TRIM55: variants seen among roughly 807,000 people sequenced by gnomAD.
TRIM55 encodes tripartite motif-containing protein 55.
TRIM55 carries 50 observed loss-of-function variants against 60.9 expected under a neutral mutation model. The ratio of observed to expected loss-of-function variants is 0.82; its 90% CI spans 0.65 to 1.04. TRIM55 has a LOEUF of 1.04. Ranked by LOEUF, TRIM55 falls within the 50% of genes least tolerant of loss-of-function variation. The probability of loss-of-function intolerance (pLI) is 0.00; values close to 1 mark genes in which losing one functional copy is unlikely to be tolerated. For missense variants in TRIM55, 681 were observed against 666.9 expected (o/e 1.02, Z -0.23); for synonymous variants, 237 against 238.1 (o/e 1.00, Z 0.04).
intron 7 of TRIM55, among the ~76,000 whole-genome samples, chr8:66,151,188 A>C (rs1221643792): frequency 6.6e-6 from 1 of 152,214 alleles, no homozygotes; most frequent in African/African-American, 2.4e-5. Flanking sequence ...AGAGGACAAG[A>C]ATAGTAACAA....
intron 4 of TRIM55, among the ~76,000 whole-genome samples, chr8:66,147,233 T>A (rs1255139286): frequency 1.3e-5 from 2 of 152,186 alleles, no homozygotes; most frequent in Non-Finnish European, 2.9e-5. Flanking sequence ...ATGACATGCA[T>A]TGTTTGTTAA....
intron 9 of TRIM55, among the ~76,000 whole-genome samples, chr8:66,155,924 C>A (rs189147623): frequency 6.6e-6 from 1 of 152,312 alleles, no homozygotes; most frequent in East Asian, 1.9e-4. Flanking sequence ...ATTATCTATT[C>A]CTGCATGGAG....
chr8:66,114,143 T>A, the TRIM55 span, among the ~76,000 whole-genome samples: 1 of 142,192 alleles, frequency 7.0e-6, no homozygotes, highest in Admixed American at 7.4e-5. Flanking sequence ...CGCTCAATGT[T>A]CTGACCCTTC....
chr8:66,152,991 G>A (rs1032300644), intron 8 of TRIM55, among the ~76,000 whole-genome samples: 1 of 151,688 alleles, frequency 6.6e-6, no homozygotes, highest in Non-Finnish European at 1.5e-5. Context: ...TGATATCATG[G>A]GGACTGGGTC....
chr8:66,174,738 A>G lies in TRIM55; in HGVS notation c.*145A>G, dbSNP rs1300173565. The stretch of plus-strand genomic sequence containing the variant: ...AAAAATAGCCCCAAACTGCAATTCC[A>G]TATGACTTATCTAACATCTTGGGGG... On this transcript the variant is annotated 3_prime_UTR_variant, in exon 10 of 10. Coordinates refer to ENST00000315962, the MANE Select transcript of TRIM55 (RefSeq NM_184085.2). 5 of 781,876 alleles carry G rather than the reference A, an allele frequency of 6.4e-6. No homozygotes were observed. The highest frequency in any genetic ancestry group is 9.2e-6 in the Non-Finnish European group (5 of 541,052). 48.4% of individuals were successfully genotyped at this position (781,876 alleles called of 1,614,324 possible).
At chr8:66,128,620 C>A in intron 2 of TRIM55, 144 bp downstream of exon 2, 1 of 829,102 alleles carries the variant, frequency 1.2e-6, no homozygotes, top group Non-Finnish European at 1.8e-6. Flanking sequence ...CAGTCCTTCC[C>A]AGTGAGACTG....
intron 4 of TRIM55, among the ~76,000 whole-genome samples, chr8:66,138,296 G>A (rs1809601403): frequency 6.6e-6 from 1 of 152,108 alleles, no homozygotes; most frequent in African/African-American, 2.4e-5. Context: ...TACGTATTGT[G>A]TTATATACAT....
At chr8:66,152,068 G>T (rs973763650) in intron 7 of TRIM55, among the ~76,000 whole-genome samples, 2 of 152,160 alleles carry the variant, frequency 1.3e-5, no homozygotes, top group Admixed American at 1.3e-4. Context: ...GGAGCTTGCA[G>T]ATGTGGCAGA....
intron 9 of TRIM55, among the ~76,000 whole-genome samples, chr8:66,166,364 A>G (rs1563393829): frequency 6.6e-6 from 1 of 152,218 alleles, no homozygotes; most frequent in Non-Finnish European, 1.5e-5. Flanking sequence ...TGACACAGCT[A>G]GCTGAGCTAA....
At position 66,127,411 on chromosome 8, in the gene TRIM55, G is replaced by A. The variant is rs749092100; in HGVS notation, c.143G>A (p.Arg48Lys). ...CTCCCTTGTCAGCACAACCTGTGTA[G>A]GAAATGTGCCAGTGATATTTTCCAG... Reference protein sequence around the residue: ...VILPCQHNLCRKCASDIFQAS... With the variant: ...VILPCQHNLCKKCASDIFQAS... Residue 48 changes from arginine (R) to lysine (K), a missense_variant, in exon 1 of 10, where the codon AGG becomes AAG. By Grantham distance (26) the Arg-to-Lys change is conservative. Transcript: ENST00000315962. 1 of 1,614,134 alleles carries A rather than the reference G, an allele frequency of 6.2e-7. No individual in the cohort carries two copies.
chr8:66,170,592 C>A (rs1811570375), intron 9 of TRIM55, among the ~76,000 whole-genome samples: 1 of 152,022 alleles, frequency 6.6e-6, no homozygotes, highest in South Asian at 2.1e-4. Context: ...CCAGGTCCTT[C>A]TTTTTTGTTT....
chr8:66,142,060 C>G (rs1240341533), intron 4 of TRIM55, among the ~76,000 whole-genome samples: 1 of 152,236 alleles, frequency 6.6e-6, no homozygotes, highest in Non-Finnish European at 1.5e-5. Flanking sequence ...TGTCTCTCGG[C>G]TTCCTCAGCG....
At chr8:66,143,182 C>T (rs1357056077) in intron 4 of TRIM55, among the ~76,000 whole-genome samples, 2 of 152,114 alleles carry the variant, frequency 1.3e-5, no homozygotes, top group Non-Finnish European at 2.9e-5. Context: ...GGTCTAAGAG[C>T]TTATCTTCAG....
Position 66,163,005 on chromosome 8 carries a change from A to C in TRIM55, c.1524+8671A>C, listed in dbSNP as rs938605669. On this transcript the variant is annotated intron_variant, in intron 9 of 9. Transcript: ENST00000315962. ...TTGTTAAAAGGCTATCCTTTTCCTC[A>C]GTGAATTACCTTAATACTTTTGTAG... Among the ~76,000 whole-genome samples the C allele has an allele frequency of 7.3e-4, 111 of 152,174 alleles. 2 individuals are homozygous for C. The highest frequency in any genetic ancestry group is 9.8e-4 in the Admixed American group (15 of 15,274).
chr8:66,150,111 G>T, intron 5 of TRIM55, 106 bp from the exon 6 acceptor site: 1 of 1,345,088 alleles, frequency 7.4e-7, no homozygotes. Context: ...ATGACATTTA[G>T]AAACTAAGCT....
intron 4 of TRIM55, among the ~76,000 whole-genome samples, chr8:66,143,320 T>G (rs2128977622): frequency 6.6e-6 from 1 of 152,318 alleles, no homozygotes; most frequent in South Asian, 2.1e-4. Context: ...GGCTAGGACA[T>G]GTAATGTATA....
At chr8:66,125,776 A>T (rs1287350490), upstream of TRIM55, among the ~76,000 whole-genome samples, 2 of 152,306 alleles carry the variant, frequency 1.3e-5, no homozygotes, top group East Asian at 3.9e-4. Flanking sequence ...CTAGATTCTC[A>T]ATAAGCTCTC....
chr8:66,140,244 A>C (rs1336665631), intron 4 of TRIM55, among the ~76,000 whole-genome samples: 1 of 152,242 alleles, frequency 6.6e-6, no homozygotes, highest in East Asian at 1.9e-4. Context: ...CCTCCTATAC[A>C]TTCATGGGGA....
At chr8:66,133,965 T>C (rs1809327876) in intron 2 of TRIM55, among the ~76,000 whole-genome samples, 1 of 152,166 alleles carries the variant, frequency 6.6e-6, no homozygotes, top group Non-Finnish European at 1.5e-5. Flanking sequence ...ACACATATAC[T>C]TTTGTTTCAG....
Sources: gnomAD v4.1 joint callset for allele counts (sites outside exome capture counted in the v4.1 genomes callset) on GRCh38, gnomAD v4.1.1 for gene constraint, MANE v1.5 for transcripts, NCBI Gene and HGNC (gene_info 2026-07-23, HGNC 2026-07-21) for gene names.